The following PPFIA2 variants were observed in gnomAD, a reference collection of about 807,000 sequenced individuals.
PPFIA2 encodes the protein liprin-alpha-2.
A neutral mutation model predicts 175.5 loss-of-function variants in PPFIA2; 46 were observed. The ratio of observed to expected loss-of-function variants is 0.26; its 90% CI spans 0.21 to 0.34. PPFIA2 has a LOEUF of 0.34. Among genes scored for constraint, PPFIA2 ranks in the 10% least tolerant of loss-of-function variants. The probability of loss-of-function intolerance (pLI) is 1.00; values close to 1 mark genes in which losing one functional copy is unlikely to be tolerated. For missense variants in PPFIA2, 1,179 were observed against 1,506.1 expected, an observed-to-expected ratio of 0.78 and a Z score of 3.60; for synonymous variants, 568 against 511.4, an observed-to-expected ratio of 1.11 and a Z score of -1.49.
At chr12:81,667,406 C>A (rs1269888814) in intron 4 of PPFIA2, among the ~76,000 whole-genome samples, 4 of 151,996 alleles carry the variant, frequency 2.6e-5, no homozygotes, top group African/African-American at 7.2e-5. Flanking sequence ...TTCTTGAAAA[C>A]CATTAGAATT....
Position 81,384,180 on chromosome 12 carries a change from A to C in PPFIA2, c.827T>G (p.Leu276Trp). The change falls in exon 9 of 33, where the codon TTG (leucine) becomes TGG (tryptophan). Residue 276 changes from leucine (L) to tryptophan (W), a missense_variant. Leu to Trp is a moderately conservative substitution (Grantham distance 61). Around this residue, in one of 10 missense-constraint regions of PPFIA2, gnomAD observed 226 missense variants for 216.6 expected, o/e 1.04. Coordinates refer to ENST00000549396, the MANE Select transcript of PPFIA2 (RefSeq NM_003625.5). ...ETSQIVELQE[L>W]LEKQNYEMAQ... ...CATTTCATAGTTTTGCTTTTCAAGC[A>C]ATTCTTGTAGTTCAACTATTTGACT... 1.9e-6 allele frequency: 3 copies of C among 1,610,666 alleles called. No homozygotes were observed. The highest frequency in any genetic ancestry group is 2.5e-6 in the Non-Finnish European group (3 of 1,177,950).
At chr12:81,738,988 C>A (rs2081999061) in intron 3 of PPFIA2, among the ~76,000 whole-genome samples, 1 of 151,672 alleles carries the variant, frequency 6.6e-6, no homozygotes, top group Non-Finnish European at 1.5e-5. Context: ...AATACCAGTC[C>A]AGAAATAAAT....
At chr12:81,479,708 T>C (rs1432567331) in intron 4 of PPFIA2, among the ~76,000 whole-genome samples, 2 of 152,170 alleles carry the variant, frequency 1.3e-5, no homozygotes, top group Non-Finnish European at 2.9e-5. Context: ...GAATATGAAA[T>C]CTGGGTTGAA....
rs1400646494 is a variant in PPFIA2 at position 81,439,863 on chromosome 12, A to G, written c.645+109T>C. The G allele has an allele frequency of 7.4e-6, 7 of 941,226 alleles. No individual in the cohort carries two copies. In the East Asian group the frequency reaches 1.8e-4, roughly 24 times the overall value. The allele number at this position is 941,226 out of a possible 1,614,324, so 58.3% of individuals were successfully genotyped here. ...ACAAGCCTTGTTCAATGGCATAGAC[A>G]GAATGTAATTTATTTTTTGTGACAG... On this transcript the variant is annotated intron_variant, in intron 7 of 32. Coordinates refer to ENST00000549396, the MANE Select transcript of PPFIA2 (RefSeq NM_003625.5).
At chr12:81,518,166 G>A (rs183101013) in intron 4 of PPFIA2, among the ~76,000 whole-genome samples, 59 of 152,156 alleles carry the variant, frequency 3.9e-4, no homozygotes, top group Admixed American at 3.0e-3. Flanking sequence ...TTAACACCTG[G>A]ATCATGGCCA....
intron 21 of PPFIA2, among the ~76,000 whole-genome samples, chr12:81,338,112 C>A (rs1007766707): frequency 7.2e-5 from 11 of 152,064 alleles, no homozygotes; most frequent in Admixed American, 7.2e-4. Context: ...CATAAATCTG[C>A]AAACATGAAT....
intron 3 of PPFIA2, among the ~76,000 whole-genome samples, chr12:81,693,628 C>T (rs1449347925): frequency 1.3e-5 from 2 of 152,046 alleles, no homozygotes; most frequent in Admixed American, 1.3e-4. Context: ...GTTTGGGGCA[C>T]TGCTATAAAA....
chr12:81,298,972 C>T (rs566371481), intron 23 of PPFIA2, among the ~76,000 whole-genome samples: 3 of 152,104 alleles, frequency 2.0e-5, no homozygotes, highest in African/African-American at 4.8e-5. Flanking sequence ...TCTCTGTAAC[C>T]TGCTAATGAG....
At chr12:81,298,375 G>A (rs763006402) in intron 23 of PPFIA2, 1 of 152,172 alleles carries the variant, frequency 6.6e-6, no homozygotes, top group Non-Finnish European at 1.5e-5. Flanking sequence ...ATCTATCTAA[G>A]TCTATTTTTA....
At chr12:81,423,594 C>T (rs1187672631) in intron 7 of PPFIA2, among the ~76,000 whole-genome samples, 3 of 151,960 alleles carry the variant, frequency 2.0e-5, no homozygotes, top group South Asian at 2.1e-4. Context: ...AGAAAATTAC[C>T]TCAGCACAAT....
In PPFIA2 at chr12:81,610,025, A is replaced by G. The variant is rs116215101; in HGVS notation, c.303+66766T>C. 4.2e-3 allele frequency among the ~76,000 whole-genome samples: 633 copies of G among 152,242 alleles called. 3 individuals carry two copies. Among genetic ancestry groups the G allele is most frequent in the African/African-American group, 0.014 (596 of 41,548 alleles). Reference sequence around the variant, plus strand: ...TGAGAAGGATTTTATTTCTCCTTCAATTATGAAGCTTAGTTTGGTGGGATT... The same window carrying G: ...TGAGAAGGATTTTATTTCTCCTTCAGTTATGAAGCTTAGTTTGGTGGGATT... On this transcript the variant is annotated intron_variant, in intron 4 of 32. Coordinates refer to ENST00000549396, the MANE Select transcript of PPFIA2 (RefSeq NM_003625.5).
At chr12:81,588,426 A>T (rs554022358) in intron 4 of PPFIA2, among the ~76,000 whole-genome samples, 29 of 152,136 alleles carry the variant, frequency 1.9e-4, no homozygotes, top group African/African-American at 6.7e-4. Flanking sequence ...TCTCTGCTAA[A>T]GCCATTTCAT....
At chr12:81,663,390 CA>C (rs1291019119) in intron 4 of PPFIA2, among the ~76,000 whole-genome samples, 1 of 152,042 alleles carries the variant, frequency 6.6e-6, no homozygotes, top group Non-Finnish European at 1.5e-5. Flanking sequence ...TCTTATACAC[CA>C]ATAACAGACA....
In PPFIA2 at chr12:81,259,583, A is replaced by T. The variant is rs759257542; in HGVS notation, c.*111T>A. The T allele has an allele frequency of 1.5e-5, 23 of 1,492,336 alleles. No individual in the cohort carries two copies. In the South Asian group the frequency reaches 2.8e-4, roughly 18 times the overall value. 92.4% of individuals were successfully genotyped at this position (1,492,336 alleles called of 1,614,324 possible). A position where few individuals can be genotyped will look rare whatever the true frequency, so the allele number is the denominator to read the frequency against. ...TGACGTCATTATTTCCTTAGAATTC[A>T]GTTTTCACAAAGGTTTTCACTGCTC... On this transcript the variant is annotated 3_prime_UTR_variant, in exon 33 of 33. Coordinates refer to ENST00000549396, the MANE Select transcript of PPFIA2 (RefSeq NM_003625.5).
chr12:81,322,681 T>C (rs917842957), intron 22 of PPFIA2, among the ~76,000 whole-genome samples: 2 of 152,132 alleles, frequency 1.3e-5, no homozygotes, highest in African/African-American at 4.8e-5. Flanking sequence ...TGAGGCATAG[T>C]AAAGGCAAAC....
intron 30 of PPFIA2, among the ~76,000 whole-genome samples, chr12:81,263,791 T>C (rs899057471): frequency 6.6e-6 from 1 of 152,220 alleles, no homozygotes; most frequent in Admixed American, 6.5e-5. Context: ...ACTCACACAC[T>C]TGAATGAAAT....
At chr12:81,715,235 AT>A (rs1053643161) in intron 3 of PPFIA2, among the ~76,000 whole-genome samples, 1 of 151,750 alleles carries the variant, frequency 6.6e-6, no homozygotes, top group African/African-American at 2.4e-5. Context: ...CTCTTTGTAC[AT>A]TTGGTAAGAC....
intron 4 of PPFIA2, among the ~76,000 whole-genome samples, chr12:81,496,046 A>G (rs1256647591): frequency 6.6e-6 from 1 of 152,194 alleles, no homozygotes; most frequent in Admixed American, 6.5e-5. Flanking sequence ...ACAGATGACA[A>G]TGCAGTGTTT....
At chr12:81,702,759 T>C (rs942263020) in intron 3 of PPFIA2, among the ~76,000 whole-genome samples, 5 of 152,120 alleles carry the variant, frequency 3.3e-5, no homozygotes, top group Admixed American at 3.3e-4. Flanking sequence ...GCGATCATAT[T>C]AGAAGACAGA....
Sources: gnomAD v4.1 joint callset for allele counts (sites outside exome capture counted in the v4.1 genomes callset) on GRCh38, gnomAD v4.1.1 for gene constraint, gnomAD v4.1.1 regional missense constraint, MANE v1.5 for transcripts, NCBI Gene and HGNC (gene_info 2026-07-23, HGNC 2026-07-21) for gene names.